ESCO2: variants seen among roughly 807,000 people sequenced by gnomAD.
The protein encoded by ESCO2 is N-acetyltransferase ESCO2.
A neutral mutation model predicts 61.7 loss-of-function variants in ESCO2; 51 were observed. The ratio of observed to expected loss-of-function variants is 0.83; its 90% confidence interval spans 0.66 to 1.04. ESCO2 has a LOEUF of 1.04. Among genes scored for constraint, ESCO2 ranks in the 50% least tolerant of loss-of-function variants. The pLI is 0.00. For synonymous variants in ESCO2, 230 were observed against 238.2 expected (o/e 0.97, Z 0.32); for missense variants, 692 against 686.2 (o/e 1.01, Z -0.09).
chr8:27,792,055 A>G lies in ESCO2; in HGVS notation c.1353+3A>G, dbSNP rs1805188858. ...ATCCAAGCTTTGCTATCAAAAAGGT[A>G]TGGAACATTATCTTTTTATCTCTTG... On this transcript the variant is annotated splice_donor_region_variant and intron_variant, in intron 8 of 10. Transcript: ENST00000305188. 6.2e-7 allele frequency: 1 copy of G among 1,613,996 alleles called. No individual in the cohort carries two copies. Among genetic ancestry groups the G allele is most frequent in the East Asian group, 2.2e-5 (1 of 44,860 alleles).
chr8:27,807,097 C>G (rs1210149344), downstream of ESCO2, among the ~76,000 whole-genome samples: 2 of 152,102 alleles, frequency 1.3e-5, no homozygotes. Flanking sequence ...AATCTTACAG[C>G]TTTTTTGTTC....
chr8:27,775,579 C>T lies in ESCO2; in HGVS notation c.53+12C>T. The T allele has an allele frequency of 6.2e-7, 1 of 1,613,838 alleles. No individual in the cohort carries two copies. The highest frequency in any genetic ancestry group is 8.5e-7 in the Non-Finnish European group (1 of 1,179,750). ...TTGAAGTGTGACAGGTGAATCTCAG[C>T]CTGTGAATAGAAACTCTTAGAAAAA... On this transcript the variant is annotated intron_variant, in intron 2 of 10. Coordinates refer to ENST00000305188, the MANE Select transcript of ESCO2 (RefSeq NM_001017420.3).
chr8:27,797,866 TTGTG>T (rs1208224151), intron 9 of ESCO2, among the ~76,000 whole-genome samples: 2 of 152,222 alleles, frequency 1.3e-5, no homozygotes, highest in Non-Finnish European at 2.9e-5. Context: ...TCTTTTTATG[TTGTG>T]TATTTATTTA....
chr8:27,777,879 A>G (rs1051845979), intron 3 of ESCO2: 1 of 152,186 alleles, frequency 6.6e-6, no homozygotes, highest in Non-Finnish European at 1.5e-5. Flanking sequence ...ACTCAGGCTT[A>G]TAGTCATGTC....
chr8:27,776,661 C>A lies in ESCO2; in HGVS notation c.353C>A (p.Ser118Tyr), dbSNP rs750410554. Residue 118 changes from serine to tyrosine, a missense_variant, in exon 3 of 11, where the codon TCT (serine) becomes TAT (tyrosine). By Grantham distance (144) the Ser-to-Tyr change is moderately radical. Coordinates refer to ENST00000305188, the MANE Select transcript of ESCO2 (RefSeq NM_001017420.3). ...CTAAAAACTAATGATGAAGATAAAT[C>A]TTTTCCCATTGTGACAGAAAAAATG... ...TCLKTNDEDK[S>Y]FPIVTEKMQG... is the part of the protein sequence containing the mutation. 1 of 1,613,842 alleles carries A rather than the reference C, an allele frequency of 6.2e-7. No individual in the cohort carries two copies. Among genetic ancestry groups the A allele is most frequent in the African/African-American group, 1.3e-5 (1 of 75,012 alleles).
At chr8:27,772,113 C>T (rs1311502569), upstream of ESCO2, 1 of 223,558 alleles carries the variant, frequency 4.5e-6, no homozygotes. Context: ...CAGGTGTCTC[C>T]TTTCTCACAG....
At chr8:27,791,030 A>G (rs961622813) in intron 7 of ESCO2, among the ~76,000 whole-genome samples, 2 of 152,190 alleles carry the variant, frequency 1.3e-5, no homozygotes, top group African/African-American at 4.8e-5. Context: ...CATTCCCCCC[A>G]AATGAAAAAC....
At position 27,780,193 on chromosome 8, in the gene ESCO2, T is replaced by A; in HGVS notation, c.881T>A (p.Val294Asp). 1 of 1,609,870 alleles carries A rather than the reference T, an allele frequency of 6.2e-7. No homozygotes were observed. The highest frequency in any genetic ancestry group is 8.5e-7 in the Non-Finnish European group (1 of 1,177,078). ...KLIKDSSDDR[V>D]SSKEHKVDKN... The stretch of plus-strand genomic sequence containing the variant: ...TTTCAGGATTCATCAGATGACAGAG[T>A]TTCTTCAAAGGAACATAAAGTTGAT... The change falls in exon 4 of 11, where the codon GTT (valine) becomes GAT (aspartate). Residue 294 changes from valine to aspartate, a missense_variant. Coordinates refer to ENST00000305188, the MANE Select transcript of ESCO2 (RefSeq NM_001017420.3).
chr8:27,785,302 T>C (rs896748154), intron 5 of ESCO2, among the ~76,000 whole-genome samples: 7 of 152,200 alleles, frequency 4.6e-5, no homozygotes, highest in Admixed American at 3.9e-4. Context: ...CCAAAACTGT[T>C]GCACTAGAGA....
chr8:27,794,949 A>G (rs1182044651), intron 9 of ESCO2, among the ~76,000 whole-genome samples: 1 of 152,138 alleles, frequency 6.6e-6, no homozygotes, highest in East Asian at 1.9e-4. Context: ...TAATGCCAGT[A>G]GGAGTGCAGT....
downstream of ESCO2, chr8:27,811,013 T>G (rs1218757089): frequency 1.1e-5 from 18 of 1,612,762 alleles, no homozygotes; most frequent in Non-Finnish European, 1.5e-5. Flanking sequence ...AAGTCATCAT[T>G]TCCCACAAAG....
chr8:27,778,307 C>T (rs1226305768), intron 3 of ESCO2: 4 of 152,010 alleles, frequency 2.6e-5, no homozygotes, highest in African/African-American at 9.7e-5. Context: ...AGTTTTTAGT[C>T]CTCACTGTAA....
chr8:27,817,117 A>G (rs958540883), downstream of ESCO2, among the ~76,000 whole-genome samples: 5 of 152,162 alleles, frequency 3.3e-5, no homozygotes, highest in Non-Finnish European at 2.9e-5. Flanking sequence ...ATTGCTAACT[A>G]CAAAAGCTGT....
At chr8:27,782,712 A>G (rs1203147894) in intron 4 of ESCO2, among the ~76,000 whole-genome samples, 2 of 149,446 alleles carry the variant, frequency 1.3e-5, no homozygotes, top group African/African-American at 4.9e-5. Flanking sequence ...GTTAAATAAT[A>G]TATATATATT....
intron 9 of ESCO2, among the ~76,000 whole-genome samples, chr8:27,798,163 T>C (rs979052615): frequency 6.6e-6 from 1 of 152,122 alleles, no homozygotes; most frequent in African/African-American, 2.4e-5. Flanking sequence ...GAAGTTTCTT[T>C]AAAAACTAAA....
downstream of ESCO2, among the ~76,000 whole-genome samples, chr8:27,816,345 ATATATATATATATTTATT>A (rs1805810967): frequency 7.0e-6 from 1 of 142,078 alleles, no homozygotes. Flanking sequence ...ATCGAATACT[ATATATATATATATTTATT>A]TATTTATTTA....
chr8:27,783,695 T>G (rs1430640164), intron 4 of ESCO2, among the ~76,000 whole-genome samples: 1 of 152,074 alleles, frequency 6.6e-6, no homozygotes, highest in African/African-American at 2.4e-5. Flanking sequence ...CCACTTTTGG[T>G]CTCCTAAAGT....
chr8:27,811,851 T>G (rs1412603966), downstream of ESCO2: 1 of 152,262 alleles, frequency 6.6e-6, no homozygotes, highest in Non-Finnish European at 1.5e-5. Context: ...ACAGAGGTTT[T>G]AGACTTTTTT....
At chr8:27,789,032 A>G in intron 7 of ESCO2, 54 bp downstream of exon 7, 6 of 1,609,036 alleles carry the variant, frequency 3.7e-6, no homozygotes, top group Non-Finnish European at 5.1e-6. Context: ...TAAAAGAGAC[A>G]TTTCTTTTCC....
Sources: allele counts gnomAD v4.1 joint callset (sites outside exome capture counted in the v4.1 genomes callset), GRCh38; gene constraint gnomAD v4.1.1; transcripts MANE v1.5; gene names NCBI Gene and HGNC (gene_info 2026-07-23, HGNC 2026-07-21).